The following PTBP3 variants were observed in gnomAD, a reference collection of about 807,000 sequenced individuals.
PTBP3 encodes polypyrimidine tract-binding protein 3.
In PTBP3, 20 loss-of-function variants were observed where a neutral mutation model predicts 58.7. The ratio of observed to expected loss-of-function variants is 0.34; its 90% CI spans 0.24 to 0.50. The LOEUF (loss-of-function observed/expected upper bound fraction) is 0.50, where lower values mean the gene tolerates loss of function less well. PTBP3 is among the 20% of genes least tolerant of loss of function. The probability of loss-of-function intolerance (pLI) is 0.98; values close to 1 mark genes in which losing one functional copy is unlikely to be tolerated. For missense variants in PTBP3, 509 were observed against 637.2 expected, an observed-to-expected ratio of 0.80 and a Z score of 2.17; for synonymous variants, 185 against 219.8, an observed-to-expected ratio of 0.84 and a Z score of 1.40.
At chr9:112,361,671 T>G in the PTBP3 span, among the ~76,000 whole-genome samples, 1 of 152,222 alleles carries the variant, frequency 6.6e-6, no homozygotes. Flanking sequence ...TTATACAATT[T>G]TGAATTTTAA....
chr9:112,368,020 A>T, the PTBP3 span, among the ~76,000 whole-genome samples: 2 of 152,046 alleles, frequency 1.3e-5, no homozygotes, highest in Non-Finnish European at 2.9e-5. Context: ...GTTGAGACGA[A>T]GTCTCACTCT....
intron 7 of PTBP3, 78 bp from the exon 8 acceptor site, chr9:112,234,975 T>A: frequency 8.6e-7 from 1 of 1,166,874 alleles, no homozygotes; most frequent in Admixed American, 2.0e-5. Context: ...AATGGCTCTA[T>A]GAAAGTATAT....
upstream of PTBP3, among the ~76,000 whole-genome samples, chr9:112,336,907 T>A (rs1490765400): frequency 6.6e-6 from 1 of 152,190 alleles, no homozygotes; most frequent in East Asian, 1.9e-4. Context: ...TCCTAAATAC[T>A]CAATGTCCAG....
the PTBP3 span, among the ~76,000 whole-genome samples, chr9:112,356,607 C>T: frequency 6.7e-6 from 1 of 149,780 alleles, no homozygotes; most frequent in African/African-American, 2.5e-5. Flanking sequence ...TGAAATACAG[C>T]TTGATCCATG....
intron 1 of PTBP3, among the ~76,000 whole-genome samples, chr9:112,321,799 G>A (rs1829961602): frequency 6.6e-6 from 1 of 151,978 alleles, no homozygotes; most frequent in Non-Finnish European, 1.5e-5. Flanking sequence ...TAGTCCTAAG[G>A]GGCCCCCATA....
the PTBP3 span, among the ~76,000 whole-genome samples, chr9:112,358,660 A>G: frequency 6.6e-6 from 1 of 152,220 alleles, no homozygotes; most frequent in Non-Finnish European, 1.5e-5. Flanking sequence ...AATGTCTATC[A>G]TAACAGCCAG....
chr9:112,307,350 G>A (rs1829264298), intron 1 of PTBP3, among the ~76,000 whole-genome samples: 1 of 151,986 alleles, frequency 6.6e-6, no homozygotes, highest in Admixed American at 6.6e-5. Context: ...GCTACTTTGG[G>A]GGCTGAGGTG....
chr9:112,320,294 AT>A (rs1564461502), intron 1 of PTBP3, among the ~76,000 whole-genome samples: 9 of 45,326 alleles, frequency 2.0e-4, no homozygotes, highest in African/African-American at 9.8e-4. Flanking sequence ...AAAAAAAAAT[AT>A]ATATATATAT....
chr9:112,327,126 C>T (rs1033233954), intron 1 of PTBP3, among the ~76,000 whole-genome samples: 3 of 151,700 alleles, frequency 2.0e-5, no homozygotes, highest in Non-Finnish European at 2.9e-5. Flanking sequence ...ATCACTTGGG[C>T]CTTAGAGGTG....
intron 10 of PTBP3, among the ~76,000 whole-genome samples, chr9:112,230,852 T>G (rs1329471758): frequency 6.6e-6 from 1 of 152,236 alleles, no homozygotes; most frequent in African/African-American, 2.4e-5. Context: ...AAAACCTGAA[T>G]CGCATTATAC....
chr9:112,324,594 G>A (rs910786686), intron 1 of PTBP3, among the ~76,000 whole-genome samples: 2 of 151,976 alleles, frequency 1.3e-5, no homozygotes, highest in South Asian at 2.1e-4. Flanking sequence ...AAGTTGCAGT[G>A]AGCCAAGATC....
At position 112,290,703 on chromosome 9, in the gene PTBP3, T is replaced by TAC. The variant is rs1441556582; in HGVS notation, c.34+7128_34+7129insGT. Among the ~76,000 whole-genome samples the TAC allele has an allele frequency of 5.7e-3, 366 of 64,542 alleles. 6 individuals are homozygous for TAC. The highest frequency in any genetic ancestry group is 0.03 in the African/African-American group (334 of 11,204). The allele number at this position is 64,542 out of a possible 152,430, so 42.3% of individuals were successfully genotyped here. ...AAAAAAAAAAATATATATATATATA[T>TAC]ATATACACACACACACACACACACA... On this transcript the variant is annotated intron_variant, in intron 2 of 13. Transcript: ENST00000374257.
chr9:112,316,244 C>G (rs1328746933), intron 1 of PTBP3, among the ~76,000 whole-genome samples: 1 of 152,184 alleles, frequency 6.6e-6, no homozygotes, highest in African/African-American at 2.4e-5. Context: ...TAGGTTGCAC[C>G]TAGAGACTCG....
chr9:112,247,363 T>C (rs1192627865), intron 7 of PTBP3, among the ~76,000 whole-genome samples: 1 of 151,806 alleles, frequency 6.6e-6, no homozygotes, highest in East Asian at 1.9e-4. Flanking sequence ...ATTAAATGAC[T>C]CGAAAGAGAC....
intron 3 of PTBP3, among the ~76,000 whole-genome samples, chr9:112,269,837 G>A (rs565216509): frequency 6.6e-6 from 1 of 152,040 alleles, no homozygotes; most frequent in Admixed American, 6.5e-5. Context: ...CTCACATGAT[G>A]GTGCACACTT....
At chr9:112,277,703 C>CCAAA (rs915836903) in intron 2 of PTBP3, among the ~76,000 whole-genome samples, 11 of 151,598 alleles carry the variant, frequency 7.3e-5, no homozygotes, top group South Asian at 2.1e-4. Flanking sequence ...CCAAAAAAAA[C>CCAAA]CAAACAAACA....
At chr9:112,224,975 G>A (rs1232052507) in intron 12 of PTBP3, among the ~76,000 whole-genome samples, 3 of 152,132 alleles carry the variant, frequency 2.0e-5, no homozygotes, top group Non-Finnish European at 4.4e-5. Flanking sequence ...TCCTTGCCTT[G>A]CATCGTGATT....
chr9:112,291,953 T>G (rs1275792718), intron 2 of PTBP3, among the ~76,000 whole-genome samples: 1 of 94,552 alleles, frequency 1.1e-5, no homozygotes, highest in African/African-American at 4.9e-5. Flanking sequence ...AAAGAAATCA[T>G]AAACTACATA....
intron 1 of PTBP3, among the ~76,000 whole-genome samples, chr9:112,320,870 T>C (rs1392384974): frequency 2.6e-5 from 4 of 152,148 alleles, no homozygotes; most frequent in African/African-American, 9.7e-5. Context: ...AAATTTGAGA[T>C]ACATCTGAGA....
Sources: gnomAD v4.1 joint callset for allele counts (sites outside exome capture counted in the v4.1 genomes callset) on GRCh38, gnomAD v4.1.1 for gene constraint, MANE v1.5 for transcripts, NCBI Gene and HGNC (gene_info 2026-07-23, HGNC 2026-07-21) for gene names.